The following CNTN6 variants were observed in gnomAD, a reference collection of about 807,000 sequenced individuals.
The protein encoded by CNTN6 is contactin 6, also known as contactin-6.
CNTN6 carries 137 observed loss-of-function variants against 122.8 expected under a neutral mutation model. The ratio of observed to expected loss-of-function variants is 1.12; its 90% CI spans 0.97 to 1.29. The LOEUF is 1.29. Ranked by LOEUF, CNTN6 falls within the 50% of genes most tolerant of loss-of-function variation. CNTN6 has a pLI of 0.00. For missense variants in CNTN6, 1,634 were observed against 1,223.4 expected (o/e 1.34, Z -5.01); for synonymous variants, 570 against 426.0 (o/e 1.34, Z -4.16).
intron 4 of CNTN6, among the ~76,000 whole-genome samples, chr3:1,249,399 C>G (rs942939815): frequency 1.3e-5 from 2 of 152,114 alleles, no homozygotes; most frequent in Admixed American, 1.3e-4. Flanking sequence ...AGTATAAATG[C>G]AGACTCACTT....
At chr3:1,255,538 C>G (rs2094742462) in intron 4 of CNTN6, among the ~76,000 whole-genome samples, 1 of 151,974 alleles carries the variant, frequency 6.6e-6, no homozygotes, top group African/African-American at 2.4e-5. Flanking sequence ...GGCATTATTG[C>G]TAACACTCAG....
rs535654350 is a variant in CNTN6, at chr3:1,387,702, A to T, written c.2704+1905A>T. On this transcript the variant is annotated intron_variant, in intron 20 of 22. Coordinates refer to ENST00000446702, the MANE Select transcript of CNTN6 (RefSeq NM_001289080.2). The stretch of plus-strand genomic sequence containing the variant: ...GACAGTGGGCGCAGGTCAGTGGGTG[A>T]GCGCACCGTGCGCAAGCCGAAGCAG... 3.7e-3 allele frequency among the ~76,000 whole-genome samples: 563 copies of T among 152,240 alleles called. 3 individuals are homozygous for T. Among genetic ancestry groups the T allele is most frequent in the African/African-American group, 0.012 (517 of 41,546 alleles).
chr3:1,260,070 A>G (rs1192770971), intron 4 of CNTN6, among the ~76,000 whole-genome samples: 1 of 152,072 alleles, frequency 6.6e-6, no homozygotes, highest in East Asian at 1.9e-4. Flanking sequence ...CCTTAAGCCA[A>G]TGCAGATGAG....
chr3:1,300,570 AAAGAAAGAAAGAAAG>A (rs1185129353), intron 7 of CNTN6, among the ~76,000 whole-genome samples: 10 of 53,196 alleles, frequency 1.9e-4, no homozygotes, highest in Non-Finnish European at 2.9e-4. Flanking sequence ...AGAAAGAAAG[AAAGAAAGAAAGAAAG>A]AAAGAAAGAA....
intron 1 of CNTN6, among the ~76,000 whole-genome samples, chr3:1,137,952 A>G (rs2092520458): frequency 1.3e-5 from 2 of 152,216 alleles, no homozygotes; most frequent in African/African-American, 4.8e-5. Flanking sequence ...GACACAAATA[A>G]TAAGTTTAAT....
At chr3:1,264,318 A>G (rs546469566) in intron 4 of CNTN6, among the ~76,000 whole-genome samples, 2 of 152,178 alleles carry the variant, frequency 1.3e-5, no homozygotes, top group South Asian at 2.1e-4. Context: ...AAGATTTTAT[A>G]AATACATGAG....
chr3:1,297,292 GATTAA>G (rs1175540425), intron 6 of CNTN6, among the ~76,000 whole-genome samples: 4 of 152,210 alleles, frequency 2.6e-5, no homozygotes, highest in East Asian at 3.9e-4. Context: ...AGATGTCACT[GATTAA>G]ATTAATTAAG....
chr3:1,142,224 A>AC (rs1259640137), intron 1 of CNTN6, among the ~76,000 whole-genome samples: 1 of 152,102 alleles, frequency 6.6e-6, no homozygotes, highest in African/African-American at 2.4e-5. Context: ...AAAAAAAAAA[A>AC]AAAACATGAT....
intron 11 of CNTN6, among the ~76,000 whole-genome samples, chr3:1,349,395 G>GTTT (rs1260279867): frequency 1.1e-4 from 16 of 151,204 alleles, no homozygotes; most frequent in African/African-American, 3.9e-4. Context: ...CTGGCTGTGT[G>GTTT]TGTTTTTTTT....
intron 1 of CNTN6, among the ~76,000 whole-genome samples, chr3:1,096,282 G>T (rs1374726690): frequency 6.6e-6 from 1 of 151,408 alleles, no homozygotes; most frequent in Non-Finnish European, 1.5e-5. Flanking sequence ...TGTGTGTATG[G>T]GTGTTTGCTT....
At chr3:1,249,375 T>C (rs2125656965) in intron 4 of CNTN6, among the ~76,000 whole-genome samples, 1 of 152,314 alleles carries the variant, frequency 6.6e-6, no homozygotes, top group East Asian at 1.9e-4. Flanking sequence ...TTTCTGTATT[T>C]ATACATCTGC....
intron 1 of CNTN6, among the ~76,000 whole-genome samples, chr3:1,132,002 T>G (rs1169559703): frequency 6.6e-6 from 1 of 151,860 alleles, no homozygotes; most frequent in Non-Finnish European, 1.5e-5. Context: ...CATCAGGGAG[T>G]TTATGTCAGG....
chr3:1,174,165 G>A (rs143471125), intron 2 of CNTN6, among the ~76,000 whole-genome samples: 3 of 152,246 alleles, frequency 2.0e-5, no homozygotes, highest in South Asian at 2.1e-4. Context: ...ATCTCAGCTT[G>A]AGGCATTTCT....
intron 7 of CNTN6, among the ~76,000 whole-genome samples, chr3:1,306,841 T>G (rs758423160): frequency 2.2e-4 from 34 of 152,292 alleles, no homozygotes; most frequent in Non-Finnish European, 4.1e-4. Flanking sequence ...CTGTATTATA[T>G]TTTTGTGTTA....
intron 1 of CNTN6, among the ~76,000 whole-genome samples, chr3:1,114,182 G>A (rs2091609243): frequency 6.6e-6 from 1 of 152,180 alleles, no homozygotes; most frequent in Non-Finnish European, 1.5e-5. Context: ...CAGAACGGGA[G>A]GGTTGAAATA....
At chr3:1,156,709 CTTCTTCT>C (rs1327084852) in intron 2 of CNTN6, among the ~76,000 whole-genome samples, 7 of 110,054 alleles carry the variant, frequency 6.4e-5, no homozygotes, top group Admixed American at 9.0e-5. Context: ...TCCTTCCTTC[CTTCTTCT>C]TTCTTTTTCT....
intron 2 of CNTN6, among the ~76,000 whole-genome samples, chr3:1,174,197 C>A (rs752204527): frequency 6.6e-6 from 1 of 152,156 alleles, no homozygotes; most frequent in Non-Finnish European, 1.5e-5. Context: ...ACAATACATT[C>A]GCTTTTACAG....
intron 2 of CNTN6, among the ~76,000 whole-genome samples, chr3:1,172,512 T>G (rs1231600621): frequency 7.2e-5 from 11 of 152,180 alleles, no homozygotes; most frequent in Admixed American, 7.2e-4. Flanking sequence ...TCTGACATTA[T>G]CTTTTAAATA....
At chr3:1,374,464 A>G (rs558093670) in intron 16 of CNTN6, among the ~76,000 whole-genome samples, 1 of 152,230 alleles carries the variant, frequency 6.6e-6, no homozygotes, top group African/African-American at 2.4e-5. Context: ...ATATATTTTC[A>G]TCTATTTCTC....
Sources: allele counts gnomAD v4.1 joint callset (sites outside exome capture counted in the v4.1 genomes callset), GRCh38; gene constraint gnomAD v4.1.1; transcripts MANE v1.5; gene names NCBI Gene and HGNC (gene_info 2026-07-23, HGNC 2026-07-21).